The following ARHGEF1 variants were observed in gnomAD, a reference collection of about 807,000 sequenced individuals.
The protein encoded by ARHGEF1 is Rho guanine nucleotide exchange factor 1.
In ARHGEF1, 40 loss-of-function variants were observed where a neutral mutation model predicts 119.7. The ratio of observed to expected loss-of-function variants is 0.33; its 90% CI spans 0.26 to 0.44. The LOEUF (loss-of-function observed/expected upper bound fraction) is 0.44. ARHGEF1 is among the 20% of genes least tolerant of loss of function. The probability of loss-of-function intolerance (pLI) is 1.00; values close to 1 mark genes in which losing one functional copy is unlikely to be tolerated. For missense variants in ARHGEF1, 976 were observed against 1,268.3 expected, an observed-to-expected ratio of 0.77 and a Z score of 3.50; for synonymous variants, 494 against 521.0, an observed-to-expected ratio of 0.95 and a Z score of 0.71.
chr19:41,886,860 C>T (rs937131956), intron 1 of ARHGEF1, among the ~76,000 whole-genome samples: 61 of 152,130 alleles, frequency 4.0e-4, no homozygotes, highest in African/African-American at 1.2e-3. Context: ...TGGGGAGCCC[C>T]GCCGCTGGTC....
rs782815869 is a variant in ARHGEF1, at chr19:41,906,538, G to T, written c.2573G>T (p.Gly858Val). The change falls in exon 27 of 29, where the codon GGG becomes GTG. Residue 858 changes from glycine (G) to valine (V), a missense_variant. This residue lies in a region of ARHGEF1 where 171 missense variants were observed against 180.6 expected (regional missense o/e 0.95). Coordinates refer to ENST00000354532, the MANE Select transcript of ARHGEF1 (RefSeq NM_004706.4). The surrounding 1 kb of genome is among the most constrained non-coding windows in gnomAD (Gnocchi z 4.5). ...CCTCGAGATGGGGATGGGGTCCCAG[G>T]GGGCGGCCCCCTGAGCCCAGCACGG... ...GPPRDGDGVP[G>V]GGPLSPARTQ... 1.2e-5 allele frequency: 19 copies of T among 1,582,822 alleles called. No homozygotes were observed. In the Admixed American group the frequency reaches 2.1e-4, roughly 17 times the overall value.
Position 41,896,483 on chromosome 19 carries a change from G to C in ARHGEF1, c.1121+1G>C, listed in dbSNP as rs1354193802. Reference sequence around the variant, plus strand: ...CCGACGAGGGGGCCGAAACCGAGAGGTGCCCAGGCTGGGGTGCAGGGGCGG... The same window carrying C: ...CCGACGAGGGGGCCGAAACCGAGAGCTGCCCAGGCTGGGGTGCAGGGGCGG... On this transcript the variant is annotated splice_donor_variant, in intron 13 of 28. Coordinates refer to ENST00000354532, the MANE Select transcript of ARHGEF1 (RefSeq NM_004706.4). LOFTEE classifies it high-confidence loss of function. 1 of 1,489,254 alleles carries C rather than the reference G, an allele frequency of 6.7e-7. No individual in the cohort carries two copies. The highest frequency in any genetic ancestry group is 1.4e-5 in the African/African-American group (1 of 70,574). 92.3% of individuals were successfully genotyped at this position (1,489,254 alleles called of 1,614,324 possible).
intron 1 of ARHGEF1, chr19:41,927,995 C>G (rs562356552): frequency 2.6e-5 from 4 of 151,230 alleles, no homozygotes; most frequent in Non-Finnish European, 4.4e-5. Context: ...GGGCGGGAAT[C>G]CCCGCCCCCT....
chr19:41,921,621 C>T (rs2074842720), upstream of ARHGEF1, among the ~76,000 whole-genome samples: 1 of 151,962 alleles, frequency 6.6e-6, no homozygotes, highest in Non-Finnish European at 1.5e-5. This position sits in a 1 kb window ranked among gnomAD's most constrained non-coding sequence, Gnocchi z 4.4. Context: ...GCGAGGGCCG[C>T]ACCGGAGACC....
At chr19:41,921,377 G>A, upstream of ARHGEF1, among the ~76,000 whole-genome samples, 1 of 152,180 alleles carries the variant, frequency 6.6e-6, no homozygotes, top group East Asian at 1.9e-4. The surrounding 1 kb of genome is among the most constrained non-coding windows in gnomAD (Gnocchi z 4.4). Flanking sequence ...GGATAGGCGG[G>A]ACATGGGGAA....
upstream of ARHGEF1, among the ~76,000 whole-genome samples, chr19:41,922,396 G>C (rs1477237594): frequency 6.6e-6 from 1 of 152,174 alleles, no homozygotes; most frequent in Admixed American, 6.5e-5. Flanking sequence ...GGGAAATAGG[G>C]ATGGAGCCGA....
upstream of ARHGEF1, among the ~76,000 whole-genome samples, chr19:41,918,811 C>T (rs1161564717): frequency 1.3e-5 from 2 of 149,598 alleles, no homozygotes; most frequent in African/African-American, 4.9e-5. Flanking sequence ...ACACACACAC[C>T]ACATCACTCT....
chr19:41,928,734 G>T (rs997099675), intron 1 of ARHGEF1: 4 of 349,828 alleles, frequency 1.1e-5, no homozygotes, highest in Non-Finnish European at 1.7e-5. Flanking sequence ...TTCGATCCCG[G>T]GACTGAGGGA....
chr19:41,919,389 CACAA>C (rs1331480484), upstream of ARHGEF1, among the ~76,000 whole-genome samples: 60 of 152,032 alleles, frequency 3.9e-4, 1 homozygote, highest in South Asian at 0.011. Flanking sequence ...ATCAAACATA[CACAA>C]ACAGTCATCA....
Position 41,892,582 on chromosome 19 carries a change from C to A in ARHGEF1, c.368-21C>A. ...AAGCCACCAGGGAGCTGGACCCTAG[C>A]CCCCATGTGTGTCCCTGCAGACCGC... On this transcript the variant is annotated intron_variant, in intron 6 of 28. Coordinates refer to ENST00000354532, the MANE Select transcript of ARHGEF1 (RefSeq NM_004706.4). This position sits in a 1 kb window ranked among gnomAD's most constrained non-coding sequence, Gnocchi z 6.3. The A allele has an allele frequency of 6.4e-7, 1 of 1,569,602 alleles. No homozygotes were observed. Among genetic ancestry groups the A allele is most frequent in the Non-Finnish European group, 8.7e-7 (1 of 1,152,628 alleles).
At chr19:41,899,287 T>C (rs2074560817) in intron 14 of ARHGEF1, among the ~76,000 whole-genome samples, 1 of 151,762 alleles carries the variant, frequency 6.6e-6, no homozygotes, top group Non-Finnish European at 1.5e-5. Context: ...CCAGGCCCAG[T>C]CAAGGAAGAG....
In ARHGEF1 at chr19:41,892,770, G is replaced by T; in HGVS notation, c.535G>T (p.Val179Phe). ...GGAGCTGGCCCAGCTGGAGGCTTGG[G>T]TTGGGCGGGACCGAGCCAGCTACGA... ...EQELAQLEAW[V>F]GRDRASYEAR... The change falls in exon 7 of 29, where the codon GTT (valine) becomes TTT (phenylalanine). Residue 179 changes from valine (V) to phenylalanine (F), a missense_variant. By Grantham distance (50) the Val-to-Phe change is conservative (BLOSUM62 -1). Transcript: ENST00000354532. The surrounding 1 kb of genome is among the most constrained non-coding windows in gnomAD (Gnocchi z 6.3). The T allele has an allele frequency of 6.2e-7, 1 of 1,606,786 alleles. No homozygotes were observed. The highest frequency in any genetic ancestry group is 1.7e-4 in the Middle Eastern group (1 of 6,036).
intron 1 of ARHGEF1, among the ~76,000 whole-genome samples, chr19:41,886,880 CCT>C (rs1202169374): frequency 1.3e-5 from 2 of 152,174 alleles, no homozygotes; most frequent in African/African-American, 4.8e-5. Flanking sequence ...CCACCCCACC[CCT>C]CTTTCCACAG....
Position 41,892,850 on chromosome 19 carries a change from G to A in ARHGEF1, c.614+1G>A. The A allele has an allele frequency of 6.5e-7, 1 of 1,534,916 alleles. No homozygotes were observed. The highest frequency in any genetic ancestry group is 8.7e-7 in the Non-Finnish European group (1 of 1,143,724). On this transcript the variant is annotated splice_donor_variant, in intron 7 of 28. Coordinates refer to ENST00000354532, the MANE Select transcript of ARHGEF1 (RefSeq NM_004706.4). LOFTEE classifies it high-confidence loss of function. This position sits in a 1 kb window ranked among gnomAD's most constrained non-coding sequence, Gnocchi z 6.3. ...TGCTCATGCACCTGGAGGAGATGCAGTGAGTAGGCCAGCCCTGGTGGGAGC... is the reference window on the plus strand; with the variant it reads ...TGCTCATGCACCTGGAGGAGATGCAATGAGTAGGCCAGCCCTGGTGGGAGC...
intron 18 of ARHGEF1, among the ~76,000 whole-genome samples, chr19:41,913,135 C>T (rs1188500952): frequency 6.6e-6 from 1 of 151,960 alleles, no homozygotes; most frequent in Admixed American, 6.6e-5. Flanking sequence ...GACCCCGTTC[C>T]TTCCCTCCCA....
chr19:41,901,936 C>T lies in ARHGEF1; in HGVS notation c.1317C>T (p.His439=), dbSNP rs373961323. Residue 439 remains histidine (H), a synonymous_variant, in exon 15 of 29, where the codon CAC becomes CAT. Transcript: ENST00000354532. ...AAHVRMLRVL[H]DLFFQPMAEC... ...ACGTGCGCATGCTGCGGGTGCTGCACGACCTCTTCTTCCAGCCCATGGCAG... is the reference window on the plus strand; with the variant it reads ...ACGTGCGCATGCTGCGGGTGCTGCATGACCTCTTCTTCCAGCCCATGGCAG... 5 of 1,613,666 alleles carry T rather than the reference C, an allele frequency of 3.1e-6. No individual in the cohort carries two copies. Among genetic ancestry groups the T allele is most frequent in the Admixed American group, 1.7e-5 (1 of 60,022 alleles).
At chr19:41,913,336 A>C in intron 18 of ARHGEF1, among the ~76,000 whole-genome samples, 1 of 135,672 alleles carries the variant, frequency 7.4e-6, no homozygotes, top group Non-Finnish European at 1.6e-5. Context: ...CTCCCGCCTG[A>C]CCTCCCGGGT....
At chr19:41,914,035 C>T (rs1290552849) in intron 18 of ARHGEF1, among the ~76,000 whole-genome samples, 1 of 150,200 alleles carries the variant, frequency 6.7e-6, no homozygotes, top group Non-Finnish European at 1.5e-5. Context: ...AGAAACCCCT[C>T]AGACCCTGGC....
chr19:41,902,256 TTCC>T lies in ARHGEF1; in HGVS notation c.1415-13_1415-11del. On this transcript the variant is annotated splice_polypyrimidine_tract_variant and intron_variant, in intron 15 of 28. Transcript: ENST00000354532. This position sits in a 1 kb window ranked among gnomAD's most constrained non-coding sequence, Gnocchi z 6.5. ...TTCCAGACCCTGGTGGAGCATCCCT[TTCC>T]TCCTGCCCCCACAGCCCTGTTCCTC... The T allele has an allele frequency of 6.2e-7, 1 of 1,613,786 alleles. No individual in the cohort carries two copies. The highest frequency in any genetic ancestry group is 1.1e-5 in the South Asian group (1 of 91,064).
Sources: allele counts gnomAD v4.1 joint callset (sites outside exome capture counted in the v4.1 genomes callset), GRCh38; gene constraint gnomAD v4.1.1; regional missense constraint gnomAD v4.1.1; non-coding constraint Gnocchi (gnomAD v3.1); transcripts MANE v1.5; gene names NCBI Gene and HGNC (gene_info 2026-07-23, HGNC 2026-07-21).